Variants in TRIM61 observed in about 807,000 individuals in gnomAD.
TRIM61 encodes tripartite motif containing 61, also known as putative tripartite motif-containing protein 61.
TRIM61 carries 1 observed loss-of-function variant against 14.2 expected under a neutral mutation model. The observed-to-expected ratio is 0.07, with a 90% CI of 0.03 to 0.33. The LOEUF (loss-of-function observed/expected upper bound fraction) is 0.33, where lower values mean the gene tolerates loss of function less well. Among genes scored for constraint, TRIM61 ranks in the 10% least tolerant of loss-of-function variants. The probability of loss-of-function intolerance (pLI) is 0.99; values close to 1 mark genes in which losing one functional copy is unlikely to be tolerated. For missense variants in TRIM61, 19 were observed against 202.2 expected (o/e 0.09, Z 5.49); for synonymous variants, 8 against 71.6 (o/e 0.11, Z 4.49).
At chr4:164,956,466 T>C (rs567427996) in intron 3 of TRIM61, among the ~76,000 whole-genome samples, 37 of 152,208 alleles carry the variant, frequency 2.4e-4, no homozygotes, top group Non-Finnish European at 4.4e-5. Context: ...TTTCTATCAT[T>C]TGAATTAACA....
At chr4:164,967,514 C>T (rs1732268957) in intron 3 of TRIM61, among the ~76,000 whole-genome samples, 1 of 152,132 alleles carries the variant, frequency 6.6e-6, no homozygotes, top group South Asian at 2.1e-4. Flanking sequence ...CTGAACAGGA[C>T]TAGAGGGTAC....
rs181933648 is a variant in TRIM61 at position 164,957,096 on chromosome 4, C to T, written c.526-2000G>A. 7.7e-6 allele frequency: 12 copies of T among 1,565,906 alleles called. No homozygotes were observed. In the East Asian group the frequency reaches 2.6e-4, roughly 34 times the overall value. On this transcript the variant is annotated intron_variant, in intron 3 of 4. Coordinates refer to ENST00000329314, the MANE Select transcript of TRIM61 (RefSeq NM_001012414.3). The stretch of plus-strand genomic sequence containing the variant: ...CCCAGCGCCTGGAGAGCCAGCCCTG[C>T]AGGGTGGGCTGGGCGAGCCAAACTG...
chr4:164,955,382 T>C (rs971562370), intron 3 of TRIM61, among the ~76,000 whole-genome samples: 1 of 152,036 alleles, frequency 6.6e-6, no homozygotes, highest in Non-Finnish European at 1.5e-5. Context: ...TATTGAGTTC[T>C]GTGCCACACC....
intron 3 of TRIM61, chr4:164,968,990 G>T: frequency 1.9e-6 from 2 of 1,035,438 alleles, no homozygotes; most frequent in Non-Finnish European, 2.3e-6. Context: ...ACCCAGAACA[G>T]CTGGGAGGAG....
At chr4:164,966,832 C>T (rs1474565625) in intron 3 of TRIM61, among the ~76,000 whole-genome samples, 3 of 152,040 alleles carry the variant, frequency 2.0e-5, no homozygotes. Context: ...GGTGCTGAGG[C>T]TCCAGAACTG....
chr4:164,956,056 A>C (rs1731980951), intron 3 of TRIM61, among the ~76,000 whole-genome samples: 1 of 152,122 alleles, frequency 6.6e-6, no homozygotes, highest in South Asian at 2.1e-4. Flanking sequence ...AGCCTTTTGA[A>C]ATAAATCTTT....
chr4:164,974,850 G>A (rs1442976018), intron 2 of TRIM61, among the ~76,000 whole-genome samples: 1 of 152,224 alleles, frequency 6.6e-6, no homozygotes, highest in African/African-American at 2.4e-5. Context: ...CTGTTGAGCA[G>A]AACAAGAAAG....
At chr4:164,968,447 T>C in intron 3 of TRIM61, 1 of 985,020 alleles carries the variant, frequency 1.0e-6, no homozygotes, top group Non-Finnish European at 1.2e-6. Flanking sequence ...CATAATCACA[T>C]TTTTTGGAAG....
At chr4:164,976,230 G>A (rs1340299144) in intron 2 of TRIM61, among the ~76,000 whole-genome samples, 1 of 152,182 alleles carries the variant, frequency 6.6e-6, no homozygotes, top group Non-Finnish European at 1.5e-5. Flanking sequence ...CTCAGAGGCC[G>A]GTGCCGGTGC....
chr4:164,972,846 A>C lies in TRIM61; in HGVS notation c.-337-2507T>G, dbSNP rs1374289660. The stretch of plus-strand genomic sequence containing the variant: ...CCCTCAGGCCTTCACTTTTTAAACA[A>C]ATTAAATGTTGTTTCCCCTCATAAC... On this transcript the variant is annotated intron_variant, in intron 2 of 4. Transcript: ENST00000329314. Among the ~76,000 whole-genome samples, 4 of 152,178 alleles carry C rather than the reference A, an allele frequency of 2.6e-5. No individual in the cohort carries two copies. The East Asian group carries it at 7.7e-4, about 29-fold the overall frequency.
intron 3 of TRIM61, among the ~76,000 whole-genome samples, chr4:164,965,259 G>C (rs1444408233): frequency 6.6e-6 from 1 of 150,394 alleles, no homozygotes; most frequent in East Asian, 2.0e-4. Context: ...CTGCACTCCA[G>C]CCTGGACAAC....
chr4:164,958,134 T>G (rs901720595), intron 3 of TRIM61: 2 of 167,056 alleles, frequency 1.2e-5, no homozygotes, highest in Non-Finnish European at 1.5e-5. Flanking sequence ...AAAATCAAAC[T>G]GGATAGATAT....
rs192277352 is a variant in TRIM61, at chr4:164,968,942, A to G, written c.525+536T>C. ...CCATTCAGGCTTGTCTTTCACTTCTACTTCCCAGTACTGCCTGCCACAACT... is the reference window on the plus strand; with the variant it reads ...CCATTCAGGCTTGTCTTTCACTTCTGCTTCCCAGTACTGCCTGCCACAACT... On this transcript the variant is annotated intron_variant, in intron 3 of 4. Transcript: ENST00000329314. 4.3e-5 allele frequency: 43 copies of G among 996,710 alleles called. No homozygotes were observed. In the African/African-American group the frequency reaches 6.5e-4, roughly 15 times the overall value. The allele number at this position is 996,710 out of a possible 1,614,324, so 61.7% of individuals were successfully genotyped here.
intron 3 of TRIM61, chr4:164,968,929 G>C: frequency 1.0e-6 from 1 of 996,038 alleles, no homozygotes; most frequent in Non-Finnish European, 1.2e-6. Context: ...ATTCAGGCTT[G>C]TCTTTCACTT....
intron 2 of TRIM61, among the ~76,000 whole-genome samples, chr4:164,973,841 T>C (rs945917197): frequency 2.6e-5 from 4 of 152,370 alleles, no homozygotes; most frequent in Middle Eastern, 3.4e-3. Context: ...ATGTAATACA[T>C]ACATATATAG....
intron 2 of TRIM61, among the ~76,000 whole-genome samples, chr4:164,971,796 C>T (rs1220759990): frequency 1.3e-5 from 2 of 152,060 alleles, no homozygotes; most frequent in Non-Finnish European, 2.9e-5. Flanking sequence ...AAGTCAAATT[C>T]CTCCATCAAA....
intron 3 of TRIM61, chr4:164,957,623 G>T: frequency 9.6e-7 from 1 of 1,040,020 alleles, no homozygotes; most frequent in Admixed American, 3.0e-5. Context: ...GAATGCTACC[G>T]AAGATAGTCG....
Position 164,968,897 on chromosome 4 carries a change from T to C in TRIM61, c.525+581A>G, listed in dbSNP as rs1732299790. The C allele has an allele frequency of 3.0e-6, 3 of 990,460 alleles. No individual in the cohort carries two copies. In the African/African-American group the frequency reaches 5.2e-5, roughly 17 times the overall value. 61.4% of individuals were successfully genotyped at this position (990,460 alleles called of 1,614,324 possible). On this transcript the variant is annotated intron_variant, in intron 3 of 4. Transcript: ENST00000329314. ...ACTCTTCCTCCTTCTGGGAAGACAG[T>C]CATTACAGACACCAAGAATCCATTC... is the stretch of plus-strand genomic sequence containing the variant.
At chr4:164,962,833 A>G (rs944901009) in intron 3 of TRIM61, among the ~76,000 whole-genome samples, 30 of 152,170 alleles carry the variant, frequency 2.0e-4, no homozygotes, top group African/African-American at 6.3e-4. Flanking sequence ...ACAATAATAT[A>G]TAGTGTTTTT....
Sources: allele counts gnomAD v4.1 joint callset (sites outside exome capture counted in the v4.1 genomes callset), GRCh38; gene constraint gnomAD v4.1.1; transcripts MANE v1.5; gene names NCBI Gene and HGNC (gene_info 2026-07-23, HGNC 2026-07-21).